The following RMDN1 variants were observed in gnomAD, a reference collection of about 807,000 sequenced individuals.
The protein encoded by RMDN1 is regulator of microtubule dynamics protein 1.
A neutral mutation model predicts 48.9 loss-of-function variants in RMDN1; 48 were observed. That is an observed-to-expected ratio of 0.98 (90% CI 0.78 to 1.25). RMDN1 has a LOEUF of 1.25. RMDN1 is among the 50% of genes most tolerant of loss of function. The pLI is 0.00. For synonymous variants in RMDN1, 148 were observed against 132.6 expected (o/e 1.12, Z -0.80); for missense variants, 418 against 373.4 (o/e 1.12, Z -0.98).
upstream of RMDN1, among the ~76,000 whole-genome samples, chr8:86,509,012 A>T (rs939357399): frequency 1.3e-5 from 2 of 152,170 alleles, no homozygotes; most frequent in African/African-American, 4.8e-5. Flanking sequence ...CAGAAAAAAA[A>T]TTGTCATTTT....
At chr8:86,503,383 AAAAAAAC>A (rs1818682039) in intron 2 of RMDN1, among the ~76,000 whole-genome samples, 2 of 80,204 alleles carry the variant, frequency 2.5e-5, no homozygotes, top group Non-Finnish European at 2.2e-5. Context: ...AAAAAAAAAA[AAAAAAAC>A]AAAAAAAAAT....
At chr8:86,506,922 T>C (rs552859835) in intron 2 of RMDN1, 73 bp downstream of exon 2, 115 of 773,086 alleles carry the variant, frequency 1.5e-4, no homozygotes, top group Non-Finnish European at 2.3e-4. Context: ...TGATTCTTTG[T>C]TTTAAAATAA....
At chr8:86,505,479 A>C (rs1400032747) in intron 2 of RMDN1, 1 of 407,212 alleles carries the variant, frequency 2.5e-6, no homozygotes, top group Non-Finnish European at 5.2e-6. Context: ...GACGGGGTTT[A>C]TGTAAGAGCA....
intron 2 of RMDN1, among the ~76,000 whole-genome samples, chr8:86,493,264 A>AG (rs1816805431): frequency 6.6e-6 from 1 of 152,178 alleles, no homozygotes; most frequent in Non-Finnish European, 1.5e-5. Context: ...TACAACAGGG[A>AG]GGTTCCTCAA....
intron 6 of RMDN1, among the ~76,000 whole-genome samples, chr8:86,479,273 A>T (rs1813929311): frequency 6.6e-6 from 1 of 152,190 alleles, no homozygotes; most frequent in African/African-American, 2.4e-5. Context: ...GCATTGTGCC[A>T]GGTAGTGGGT....
At position 86,472,710 on chromosome 8, in the gene RMDN1, G is replaced by T; in HGVS notation, c.*1598C>A. The stretch of plus-strand genomic sequence containing the variant: ...TGCGAGTTATGTCATATTTTTTACT[G>T]TTAAGTACTTATGCATGAATAAGTA... On this transcript the variant is annotated 3_prime_UTR_variant, in exon 10 of 10. Transcript: ENST00000406452. 2.0e-6 allele frequency: 1 copy of T among 507,990 alleles called. No individual in the cohort carries two copies. Among genetic ancestry groups the T allele is most frequent in the Non-Finnish European group, 3.5e-6 (1 of 289,168 alleles). The allele number at this position is 507,990 out of a possible 1,614,324, so 31.5% of individuals were successfully genotyped here. A position where few individuals can be genotyped will look rare whatever the true frequency, so the allele number is the denominator to read the frequency against.
chr8:86,509,117 A>G (rs1043847473), upstream of RMDN1, among the ~76,000 whole-genome samples: 2 of 152,136 alleles, frequency 1.3e-5, no homozygotes, highest in African/African-American at 4.8e-5. Flanking sequence ...CCCAACATGA[A>G]GAAGGGAAAG....
At chr8:86,503,775 T>G in intron 2 of RMDN1, 2 of 503,942 alleles carry the variant, frequency 4.0e-6, no homozygotes, top group South Asian at 1.7e-5. Flanking sequence ...TCCTTGTCTG[T>G]GGCCATATTC....
chr8:86,482,802 CA>C, intron 5 of RMDN1: 1 of 973,186 alleles, frequency 1.0e-6, no homozygotes, highest in Non-Finnish European at 1.7e-6. Context: ...TATCAGAACC[CA>C]AAATGGAGAC....
intron 2 of RMDN1, among the ~76,000 whole-genome samples, chr8:86,503,391 A>AAAAAAAAAAAAAACAAAACAAAAC (rs1818725372): frequency 2.2e-5 from 1 of 45,010 alleles, no homozygotes; most frequent in African/African-American, 6.1e-5. Context: ...AAAAAAAAAC[A>AAAAAAAAAAAAAACAAAACAAAAC]AAAAAAAATA....
intron 8 of RMDN1, among the ~76,000 whole-genome samples, chr8:86,475,936 C>A (rs1056400704): frequency 6.6e-6 from 1 of 152,050 alleles, no homozygotes. Context: ...CAATTGTGAG[C>A]CAGAAAAGAC....
chr8:86,468,344 G>A (rs200248439), downstream of RMDN1: 4 of 447,694 alleles, frequency 8.9e-6, no homozygotes, highest in South Asian at 1.6e-5. Flanking sequence ...TAGTAAAGAC[G>A]AAAGAAAGGC....
At chr8:86,504,770 C>G in intron 2 of RMDN1, 1 of 1,045,678 alleles carries the variant, frequency 9.6e-7, no homozygotes, top group South Asian at 1.3e-5. Context: ...AGGGCCCCCG[C>G]CCAGCTGCGA....
chr8:86,482,677 A>C (rs914089485), intron 5 of RMDN1: 4 of 890,236 alleles, frequency 4.5e-6, no homozygotes, highest in Non-Finnish European at 5.7e-6. Flanking sequence ...AAAAGACTTT[A>C]TGGAGTTCAT....
chr8:86,498,292 T>C (rs1817694179), intron 2 of RMDN1, among the ~76,000 whole-genome samples: 1 of 149,512 alleles, frequency 6.7e-6, no homozygotes, highest in African/African-American at 2.4e-5. Context: ...GAAAAAGCCC[T>C]GGACTAGATG....
upstream of RMDN1, chr8:86,508,797 G>T (rs1022545466): frequency 1.2e-5 from 15 of 1,243,708 alleles, no homozygotes; most frequent in Non-Finnish European, 1.5e-5. Flanking sequence ...CACGGGCTTA[G>T]GGGGTGGGAA....
intron 2 of RMDN1, among the ~76,000 whole-genome samples, chr8:86,506,701 A>G (rs1410558667): frequency 6.6e-6 from 1 of 152,024 alleles, no homozygotes; most frequent in Non-Finnish European, 1.5e-5. Flanking sequence ...CTCAGTTCTC[A>G]CTGTTTCCTC....
intron 2 of RMDN1, among the ~76,000 whole-genome samples, chr8:86,505,560 A>G (rs1051562661): frequency 6.6e-6 from 1 of 152,212 alleles, no homozygotes; most frequent in African/African-American, 2.4e-5. Context: ...CTCTGGTTTA[A>G]TTACATAATT....
chr8:86,504,133 T>C (rs767355280), intron 2 of RMDN1: 10 of 1,216,074 alleles, frequency 8.2e-6, no homozygotes, highest in Non-Finnish European at 1.2e-5. Context: ...TGAAGAGCTA[T>C]GGCCGGTATT....
Sources: gnomAD v4.1 joint callset for allele counts (sites outside exome capture counted in the v4.1 genomes callset) on GRCh38, gnomAD v4.1.1 for gene constraint, MANE v1.5 for transcripts, NCBI Gene and HGNC (gene_info 2026-07-23, HGNC 2026-07-21) for gene names.